The following PDCD6IP variants were observed in gnomAD, a reference collection of about 807,000 sequenced individuals.
PDCD6IP encodes programmed cell death 6 interacting protein.
PDCD6IP carries 43 observed loss-of-function variants against 103.7 expected under a neutral mutation model. The ratio of observed to expected loss-of-function variants is 0.41; its 90% CI spans 0.32 to 0.53. PDCD6IP has a LOEUF of 0.53. Ranked by LOEUF, PDCD6IP falls within the 20% of genes least tolerant of loss-of-function variation. PDCD6IP has a pLI of 0.16. For missense variants in PDCD6IP, 871 were observed against 1,036.7 expected (o/e 0.84, Z 2.20); for synonymous variants, 354 against 378.7 (o/e 0.93, Z 0.76).
At chr3:33,857,688 G>A (rs1192736482) in intron 15 of PDCD6IP, among the ~76,000 whole-genome samples, 1 of 152,164 alleles carries the variant, frequency 6.6e-6, no homozygotes, top group South Asian at 2.1e-4. Flanking sequence ...AAAGATCACA[G>A]GTTTGTCTTA....
chr3:33,828,085 C>T (rs1206177968), intron 6 of PDCD6IP: 5 of 152,008 alleles, frequency 3.3e-5, no homozygotes, highest in South Asian at 2.1e-4. Flanking sequence ...TAGATTTTGA[C>T]GTTTTGGAAG....
At chr3:33,805,749 T>C (rs1035697456) in intron 1 of PDCD6IP, among the ~76,000 whole-genome samples, 3 of 151,500 alleles carry the variant, frequency 2.0e-5, no homozygotes, top group African/African-American at 7.3e-5. Context: ...CTAGAATTTC[T>C]TTTTTTGTTT....
intron 1 of PDCD6IP, among the ~76,000 whole-genome samples, chr3:33,800,200 G>A (rs1311121238): frequency 6.6e-6 from 1 of 151,458 alleles, no homozygotes; most frequent in Non-Finnish European, 1.5e-5. Context: ...CTTAGCTTTA[G>A]GTATCACTGG....
intron 15 of PDCD6IP, among the ~76,000 whole-genome samples, chr3:33,856,358 A>G (rs1215907883): frequency 6.6e-6 from 1 of 152,192 alleles, no homozygotes; most frequent in Non-Finnish European, 1.5e-5. Context: ...GTAGAAGGGA[A>G]GAATAAAACC....
In PDCD6IP at chr3:33,867,636, A is replaced by G. The variant is rs1157872520; in HGVS notation, c.*1111A>G. The G allele has an allele frequency of 1.3e-5, 2 of 152,200 alleles. No homozygotes were observed. The highest frequency in any genetic ancestry group is 4.8e-5 in the African/African-American group (2 of 41,456). 9.4% of individuals were successfully genotyped at this position (152,200 alleles called of 1,614,324 possible). A position where few individuals can be genotyped will look rare whatever the true frequency, so the allele number is the denominator to read the frequency against. Reference sequence around the variant, plus strand: ...TGGAATAGGCTATGTATTTAATATTAATCTCTGCCATTAGGATATCTACTC... The same window carrying G: ...TGGAATAGGCTATGTATTTAATATTGATCTCTGCCATTAGGATATCTACTC... On this transcript the variant is annotated 3_prime_UTR_variant, in exon 18 of 18. Coordinates refer to ENST00000307296, the MANE Select transcript of PDCD6IP (RefSeq NM_013374.6).
chr3:33,829,341 A>G (rs1487926742), intron 7 of PDCD6IP, among the ~76,000 whole-genome samples: 2 of 152,100 alleles, frequency 1.3e-5, no homozygotes, highest in Non-Finnish European at 1.5e-5. Flanking sequence ...TTTTTTGGTC[A>G]TGTTTATTTT....
chr3:33,800,877 G>T (rs961891836), intron 1 of PDCD6IP, among the ~76,000 whole-genome samples: 43 of 152,136 alleles, frequency 2.8e-4, no homozygotes, highest in African/African-American at 9.9e-4. Context: ...ATGGGAGGTT[G>T]GTGGATAATG....
Position 33,825,190 on chromosome 3 carries a change from G to T in PDCD6IP, c.466G>T (p.Ala156Ser). 2 of 1,607,092 alleles carry T rather than the reference G, an allele frequency of 1.2e-6. No homozygotes were observed. The highest frequency in any genetic ancestry group is 1.7e-6 in the Non-Finnish European group (2 of 1,178,438). Residue 156 changes from alanine (A) to serine (S), a missense_variant, in exon 5 of 18, where the codon GCT becomes TCT. Physicochemically the swap from Ala to Ser is moderately conservative, Grantham distance 99. Around this residue, in one of 5 missense-constraint regions of PDCD6IP, gnomAD observed 242 missense variants for 250.7 expected, o/e 0.97. Coordinates refer to ENST00000307296, the MANE Select transcript of PDCD6IP (RefSeq NM_013374.6). The part of the protein sequence containing the change: ...LKIAAKHYQF[A>S]SGAFLHIKET... ...AAATTCTTTTTCCCCCCTTTAGTTT[G>T]CTAGTGGTGCCTTTTTACATATTAA... is the stretch of plus-strand genomic sequence containing the variant.
chr3:33,807,081 T>C (rs1349253006), intron 1 of PDCD6IP, among the ~76,000 whole-genome samples: 2 of 152,230 alleles, frequency 1.3e-5, no homozygotes, highest in East Asian at 3.8e-4. Context: ...AGGATATAAA[T>C]GCCCTGTTCC....
chr3:33,826,686 AAT>A, intron 6 of PDCD6IP, 106 bp downstream of exon 6: 1 of 1,503,702 alleles, frequency 6.7e-7, no homozygotes, highest in East Asian at 2.5e-5. Context: ...TTGAAGTTTT[AAT>A]AGAGTTATCT....
chr3:33,825,434 G>A (rs1036794412), intron 5 of PDCD6IP, 94 bp downstream of exon 5: 22 of 1,128,912 alleles, frequency 1.9e-5, no homozygotes, highest in Non-Finnish European at 2.6e-5. Flanking sequence ...TCAATGTCGA[G>A]CTGTCCTTCT....
At chr3:33,820,104 T>C (rs1159196183) in intron 3 of PDCD6IP, among the ~76,000 whole-genome samples, 1 of 152,134 alleles carries the variant, frequency 6.6e-6, no homozygotes, top group Non-Finnish European at 1.5e-5. Flanking sequence ...GGCAACATAG[T>C]GAGTCCCTGT....
At position 33,838,194 on chromosome 3, in the gene PDCD6IP, C is replaced by G. The variant is rs757822755; in HGVS notation, c.1058-10C>G. ...AAAAATTTTGTTGTAATTTCTCTTC[C>G]TAATTTTAGATCTGTTTGAGAAGAT... is the stretch of plus-strand genomic sequence containing the variant. On this transcript the variant is annotated splice_polypyrimidine_tract_variant and intron_variant, in intron 8 of 17. Transcript: ENST00000307296. The G allele has an allele frequency of 1.2e-6, 2 of 1,610,202 alleles. No individual in the cohort carries two copies. Among genetic ancestry groups the G allele is most frequent in the East Asian group, 2.2e-5 (1 of 44,814 alleles).
intron 9 of PDCD6IP, among the ~76,000 whole-genome samples, chr3:33,841,040 T>TTTC (rs1553708503): frequency 2.0e-5 from 3 of 150,498 alleles, no homozygotes; most frequent in Admixed American, 1.3e-4. Flanking sequence ...TTTTTTTTTT[T>TTTC]CCCCCGAGAC....
At chr3:33,815,655 C>T (rs1421608698) in intron 3 of PDCD6IP, among the ~76,000 whole-genome samples, 1 of 152,118 alleles carries the variant, frequency 6.6e-6, no homozygotes, top group Non-Finnish European at 1.5e-5. Flanking sequence ...GTGAAGTTGA[C>T]TGAATTTGCT....
intron 1 of PDCD6IP, among the ~76,000 whole-genome samples, chr3:33,811,374 C>G (rs970298695): frequency 6.6e-6 from 1 of 152,156 alleles, no homozygotes; most frequent in African/African-American, 2.4e-5. Context: ...AAAAATACCC[C>G]TGATGAAGGG....
chr3:33,824,506 C>T (rs1188084708), intron 4 of PDCD6IP, among the ~76,000 whole-genome samples: 2 of 152,120 alleles, frequency 1.3e-5, no homozygotes, highest in African/African-American at 4.8e-5. Context: ...AATCTGCCCA[C>T]CTCAGCCTCC....
intron 11 of PDCD6IP, among the ~76,000 whole-genome samples, 163 bp downstream of exon 11, chr3:33,844,386 T>C (rs566370939): frequency 6.6e-6 from 1 of 152,358 alleles, no homozygotes; most frequent in Non-Finnish European, 1.5e-5. Flanking sequence ...AATCTGCCAA[T>C]TGTCAGAAGT....
chr3:33,856,990 ATC>A (rs1196670401), intron 15 of PDCD6IP, among the ~76,000 whole-genome samples: 1 of 152,070 alleles, frequency 6.6e-6, no homozygotes, highest in African/African-American at 2.4e-5. Flanking sequence ...ATCTTTATTC[ATC>A]TCTCTGTTCA....
Sources: allele counts gnomAD v4.1 joint callset (sites outside exome capture counted in the v4.1 genomes callset), GRCh38; gene constraint gnomAD v4.1.1; regional missense constraint gnomAD v4.1.1; transcripts MANE v1.5; gene names NCBI Gene and HGNC (gene_info 2026-07-23, HGNC 2026-07-21).